RGS7: variants seen among roughly 807,000 people sequenced by gnomAD.
The protein encoded by RGS7 is regulator of G protein signaling 7, also known as regulator of G-protein signaling 7.
Under a neutral mutation model 81.1 loss-of-function variants are expected in RGS7, and 27 were observed. The ratio of observed to expected loss-of-function variants is 0.33; its 90% confidence interval spans 0.25 to 0.46. The LOEUF (loss-of-function observed/expected upper bound fraction) is 0.46, where lower values mean the gene tolerates loss of function less well. Ranked by LOEUF, RGS7 falls within the 20% of genes least tolerant of loss-of-function variation. The pLI, the probability that RGS7 is intolerant of heterozygous loss-of-function variation, is 1.00. For synonymous variants in RGS7, 208 were observed against 207.7 expected (o/e 1.00, Z -0.01); for missense variants, 396 against 607.4 (o/e 0.65, Z 3.66).
intron 2 of RGS7, among the ~76,000 whole-genome samples, chr1:241,297,107 C>T (rs2148481193): frequency 6.6e-6 from 1 of 152,238 alleles, no homozygotes; most frequent in Non-Finnish European, 1.5e-5. Context: ...TCATCCATTG[C>T]CTCATGTCTT....
At chr1:241,157,962 G>T (rs1350990646) in intron 2 of RGS7, among the ~76,000 whole-genome samples, 1 of 151,152 alleles carries the variant, frequency 6.6e-6, no homozygotes, top group Non-Finnish European at 1.5e-5. Context: ...GACTACAGGC[G>T]CCCGCCACCA....
Position 241,220,999 on chromosome 1 carries a change from G to GGAAGGAAGAAAGAA in RGS7, c.79-122238_79-122237insTTCTTTCTTCCTTC, listed in dbSNP as rs1558203363. On this transcript the variant is annotated intron_variant, in intron 2 of 18. Transcript: ENST00000440928. ...GAAGGAAGGAAGGAAGGAAGGAAGA[G>GGAAGGAAGAAAGAA]AGAGAGAAAGGAAGGAAGGAAGGAA... Among the ~76,000 whole-genome samples the GGAAGGAAGAAAGAA allele has an allele frequency of 4.4e-3, 284 of 64,616 alleles. 2 individuals carry two copies. The highest frequency in any genetic ancestry group is 0.017 in the South Asian group (25 of 1,478). 42.4% of individuals were successfully genotyped at this position (64,616 alleles called of 152,430 possible). A position where few individuals can be genotyped will look rare whatever the true frequency, so the allele number is the denominator to read the frequency against.
At chr1:241,183,914 G>A (rs766180238) in intron 2 of RGS7, among the ~76,000 whole-genome samples, 12 of 152,170 alleles carry the variant, frequency 7.9e-5, no homozygotes, top group South Asian at 4.1e-4. Flanking sequence ...TGGCATTATC[G>A]TCAGGAAAGA....
At chr1:241,108,656 G>T (rs947441008) in intron 2 of RGS7, among the ~76,000 whole-genome samples, 6 of 152,124 alleles carry the variant, frequency 3.9e-5, no homozygotes, top group African/African-American at 1.4e-4. Context: ...AATGTCCCCT[G>T]AACTATTTGG....
At chr1:240,905,664 G>A (rs535100210) in intron 6 of RGS7, among the ~76,000 whole-genome samples, 1 of 152,302 alleles carries the variant, frequency 6.6e-6, no homozygotes, top group Admixed American at 6.5e-5. Context: ...CACTCAGGGT[G>A]CTCAGTGGAA....
At chr1:240,965,075 T>G (rs186106671) in intron 4 of RGS7, among the ~76,000 whole-genome samples, 2 of 152,254 alleles carry the variant, frequency 1.3e-5, no homozygotes, top group African/African-American at 4.8e-5. Context: ...GAAAAGATTA[T>G]TGCATTGAAC....
chr1:241,118,251 T>C (rs997434667), intron 2 of RGS7, among the ~76,000 whole-genome samples: 1 of 152,188 alleles, frequency 6.6e-6, no homozygotes, highest in Non-Finnish European at 1.5e-5. Context: ...TTTCCATCCT[T>C]AAACAAGTTT....
intron 18 of RGS7, among the ~76,000 whole-genome samples, chr1:240,793,483 G>A (rs1374133007): frequency 6.6e-6 from 1 of 150,820 alleles, no homozygotes; most frequent in Non-Finnish European, 1.5e-5. Flanking sequence ...CGAGAAAATA[G>A]TTCATCTTTG....
rs796642780 is a variant in RGS7 at position 241,338,324 on chromosome 1, A to G, written c.78+17375T>C. Among the ~76,000 whole-genome samples the G allele has an allele frequency of 1.2e-4, 19 of 152,312 alleles. 2 individuals are homozygous for G. Among genetic ancestry groups the G allele is most frequent in the African/African-American group, 4.6e-4 (19 of 41,566 alleles). ...ATAGTGTATCCAATATAGCATTGAA[A>G]TAAATCTATCCAGTACTGGCCTATC... On this transcript the variant is annotated intron_variant, in intron 2 of 18. Transcript: ENST00000440928.
chr1:241,196,095 GAGAT>G (rs1486684828), intron 2 of RGS7, among the ~76,000 whole-genome samples: 1 of 151,950 alleles, frequency 6.6e-6, no homozygotes, highest in African/African-American at 2.4e-5. Context: ...AAAAAAGAAA[GAGAT>G]AGAGAAAAAA....
At chr1:240,976,403 C>T (rs150877749) in intron 4 of RGS7, among the ~76,000 whole-genome samples, 44 of 152,290 alleles carry the variant, frequency 2.9e-4, no homozygotes, top group Middle Eastern at 3.4e-3. Context: ...TAACTTTATA[C>T]GTCAACCTGG....
rs143601140 is a variant in RGS7, at chr1:240,813,473, A to T, written c.956+145T>A. On this transcript the variant is annotated intron_variant, in intron 13 of 18. Transcript: ENST00000440928. The stretch of plus-strand genomic sequence containing the variant: ...AAATGTCTAAGTTTCAAAAGCCATG[A>T]TCTCGAACAAGAATGTTAGATATAG... 2.2e-3 allele frequency: 1,485 copies of T among 677,300 alleles called. 3 individuals are homozygous for T. Among genetic ancestry groups the T allele is most frequent in the Non-Finnish European group, 3.3e-3 (1,198 of 365,674 alleles). 42.0% of individuals were successfully genotyped at this position (677,300 alleles called of 1,614,324 possible). A position where few individuals can be genotyped will look rare whatever the true frequency, so the allele number is the denominator to read the frequency against.
intron 2 of RGS7, among the ~76,000 whole-genome samples, chr1:241,274,506 T>C (rs1031222351): frequency 6.6e-6 from 1 of 152,216 alleles, no homozygotes; most frequent in Non-Finnish European, 1.5e-5. Flanking sequence ...TATTACGATC[T>C]TATAACACTG....
rs1009201049 is a variant in RGS7 at position 240,823,210 on chromosome 1, T to C, written c.684+3888A>G. On this transcript the variant is annotated intron_variant, in intron 10 of 18. Transcript: ENST00000440928. ...CAGGATAAGCGTGTCCATGGACTTC[T>C]TCGTATTCTTGTGGTAGAGGGTCCA... is the stretch of plus-strand genomic sequence containing the variant. 1.9e-5 allele frequency: 16 copies of C among 840,466 alleles called. No individual in the cohort carries two copies. In the Admixed American group the frequency reaches 2.7e-4, roughly 14 times the overall value. 52.1% of individuals were successfully genotyped at this position (840,466 alleles called of 1,614,324 possible).
At chr1:241,194,778 G>C (rs1279997598) in intron 2 of RGS7, among the ~76,000 whole-genome samples, 1 of 152,156 alleles carries the variant, frequency 6.6e-6, no homozygotes, top group African/African-American at 2.4e-5. Context: ...ATCTGACAGA[G>C]GCAAGCCAAG....
intron 18 of RGS7, among the ~76,000 whole-genome samples, chr1:240,782,991 A>T (rs12042174): frequency 6.6e-6 from 1 of 152,002 alleles, no homozygotes; most frequent in African/African-American, 2.4e-5. Context: ...AGATCCTGTG[A>T]GATTTTGTAA....
intron 9 of RGS7, among the ~76,000 whole-genome samples, chr1:240,833,633 A>G (rs566419298): frequency 1.3e-5 from 2 of 152,330 alleles, no homozygotes; most frequent in East Asian, 1.9e-4. Context: ...ATAGAAGTAA[A>G]TTAATGAAAA....
At position 240,816,217 on chromosome 1, in the gene RGS7, C is replaced by A. The variant is rs1477799442; in HGVS notation, c.783+100G>T. ...CTTCCACATGAAACAGTCAGTCATA[C>A]AAATAACCTATAAAAATACCCACTA... On this transcript the variant is annotated intron_variant, in intron 11 of 18. Transcript: ENST00000440928. The A allele has an allele frequency of 3.7e-6, 3 of 801,686 alleles. No individual in the cohort carries two copies. In the African/African-American group the frequency reaches 5.1e-5, roughly 14 times the overall value. 49.7% of individuals were successfully genotyped at this position (801,686 alleles called of 1,614,324 possible).
At chr1:241,079,993 A>G (rs913637564) in intron 3 of RGS7, among the ~76,000 whole-genome samples, 2 of 152,168 alleles carry the variant, frequency 1.3e-5, no homozygotes, top group African/African-American at 4.8e-5. Context: ...CAAAATGAAA[A>G]TGTAATATGT....
Sources: allele counts gnomAD v4.1 joint callset (sites outside exome capture counted in the v4.1 genomes callset), GRCh38; gene constraint gnomAD v4.1.1; transcripts MANE v1.5; gene names NCBI Gene and HGNC (gene_info 2026-07-23, HGNC 2026-07-21).